GPC5: variants seen among roughly 807,000 people sequenced by gnomAD.
GPC5 encodes the protein glypican-5.
In GPC5, 47 loss-of-function variants were observed where a neutral mutation model predicts 53.9. The observed-to-expected ratio is 0.87, with a 90% confidence interval of 0.69 to 1.11. The LOEUF (loss-of-function observed/expected upper bound fraction) is 1.11. Among genes scored for constraint, GPC5 ranks in the 50% most tolerant of loss-of-function variants. The probability of loss-of-function intolerance (pLI) is 0.00; values close to 1 mark genes in which losing one functional copy is unlikely to be tolerated. For missense variants in GPC5, 748 were observed against 713.1 expected, an observed-to-expected ratio of 1.05 and a Z score of -0.56; for synonymous variants, 286 against 263.3, an observed-to-expected ratio of 1.09 and a Z score of -0.84.
At chr13:91,482,907 A>C (rs1883385522) in intron 2 of GPC5, among the ~76,000 whole-genome samples, 1 of 151,634 alleles carries the variant, frequency 6.6e-6, no homozygotes, top group Non-Finnish European at 1.5e-5. Context: ...AGCTCTATAA[A>C]TTTACTTCTG....
At chr13:91,771,464 G>A (rs2037623816) in intron 5 of GPC5, among the ~76,000 whole-genome samples, 1 of 152,088 alleles carries the variant, frequency 6.6e-6, no homozygotes, top group Admixed American at 6.6e-5. Flanking sequence ...AAACAAAAGA[G>A]CATGAATTGC....
At chr13:91,413,402 A>G (rs767522789) in intron 1 of GPC5, among the ~76,000 whole-genome samples, 2 of 152,246 alleles carry the variant, frequency 1.3e-5, no homozygotes, top group Non-Finnish European at 2.9e-5. Context: ...ACAAATCCCA[A>G]ACAATGTGGA....
intron 7 of GPC5, among the ~76,000 whole-genome samples, chr13:92,521,180 T>A (rs1881028996): frequency 6.6e-6 from 1 of 152,084 alleles, no homozygotes; most frequent in African/African-American, 2.4e-5. Flanking sequence ...AGAATCAATA[T>A]CATGAAAATG....
intron 7 of GPC5, among the ~76,000 whole-genome samples, chr13:92,516,315 T>A (rs1814163365): frequency 6.6e-6 from 1 of 152,164 alleles, no homozygotes; most frequent in Admixed American, 6.5e-5. Context: ...TGGCATAAAA[T>A]ACACGAGTCC....
chr13:92,252,839 G>A (rs1326310113), intron 7 of GPC5, among the ~76,000 whole-genome samples: 1 of 152,056 alleles, frequency 6.6e-6, no homozygotes, highest in Admixed American at 6.6e-5. Context: ...CATTTTCTCT[G>A]GGCCTCATTC....
intron 6 of GPC5, among the ~76,000 whole-genome samples, chr13:92,116,270 C>CA (rs56168628): frequency 1.0e-4 from 15 of 149,468 alleles, no homozygotes; most frequent in African/African-American, 3.8e-4. Flanking sequence ...AACAAACAAA[C>CA]AAAAAAAAAA....
chr13:91,684,201 T>C (rs1215824806), intron 2 of GPC5, among the ~76,000 whole-genome samples: 1 of 152,164 alleles, frequency 6.6e-6, no homozygotes. Context: ...ATTTCTCCAC[T>C]CTTCCCTATC....
In GPC5 at chr13:92,705,000, G is replaced by T. The variant is rs1594437052; in HGVS notation, c.1562-161282G>T. Among the ~76,000 whole-genome samples the T allele has an allele frequency of 1.3e-5, 2 of 150,852 alleles. 1 individual carries two copies. Among genetic ancestry groups the T allele is most frequent in the African/African-American group, 4.9e-5 (2 of 41,182 alleles). Reference sequence around the variant, plus strand: ...GATCTTTAATGATCTCGATGTGTAGGGTCTTTGTTAAGAACAGTGCTCATG... The same window carrying T: ...GATCTTTAATGATCTCGATGTGTAGTGTCTTTGTTAAGAACAGTGCTCATG... On this transcript the variant is annotated intron_variant, in intron 7 of 7. Transcript: ENST00000377067.
chr13:92,796,836 C>T (rs955411870), intron 7 of GPC5, among the ~76,000 whole-genome samples: 8 of 151,920 alleles, frequency 5.3e-5, no homozygotes, highest in Admixed American at 3.9e-4. Flanking sequence ...TTTAACATTT[C>T]ACAATAAATA....
At chr13:92,026,660 A>T (rs1172877814) in intron 6 of GPC5, among the ~76,000 whole-genome samples, 1 of 152,088 alleles carries the variant, frequency 6.6e-6, no homozygotes. Context: ...TGCCAGTCAT[A>T]AGATCTAGTG....
chr13:92,751,302 TTAAAA>T lies in GPC5; in HGVS notation c.1562-114979_1562-114975del, dbSNP rs1214097729. Among the ~76,000 whole-genome samples the T allele has an allele frequency of 4.6e-3, 159 of 34,412 alleles. 2 individuals carry two copies. Among genetic ancestry groups the T allele is most frequent in the African/African-American group, 0.014 (136 of 9,796 alleles). 22.6% of individuals were successfully genotyped at this position (34,412 alleles called of 152,430 possible). A position where few individuals can be genotyped will look rare whatever the true frequency, so the allele number is the denominator to read the frequency against. On this transcript the variant is annotated intron_variant, in intron 7 of 7. Transcript: ENST00000377067. ...AAAACCTTTGGTCATCCAGAAACAT[TTAAAA>T]AAAAAAAAAAAAAAAAAAAAAAAAA...
chr13:92,787,844 T>C (rs1293492293), intron 7 of GPC5, among the ~76,000 whole-genome samples: 2 of 146,836 alleles, frequency 1.4e-5, no homozygotes, highest in East Asian at 4.0e-4. Context: ...ACCGCTGTAC[T>C]CTGCCCTGGG....
chr13:92,409,463 A>G (rs960527904), intron 7 of GPC5, among the ~76,000 whole-genome samples: 1 of 152,080 alleles, frequency 6.6e-6, no homozygotes, highest in African/African-American at 2.4e-5. Flanking sequence ...GTGCTATGCC[A>G]CACTAATATT....
intron 2 of GPC5, among the ~76,000 whole-genome samples, chr13:91,551,580 A>G (rs556917385): frequency 6.6e-6 from 1 of 152,124 alleles, no homozygotes; most frequent in Non-Finnish European, 1.5e-5. Context: ...AATTTTGGGA[A>G]TAGAGATTAA....
At chr13:92,862,976 CA>C (rs1385582289) in intron 7 of GPC5, among the ~76,000 whole-genome samples, 2 of 152,144 alleles carry the variant, frequency 1.3e-5, no homozygotes, top group Admixed American at 6.6e-5. Flanking sequence ...GCTGTCCTCT[CA>C]GATTCATCAG....
intron 7 of GPC5, among the ~76,000 whole-genome samples, chr13:92,294,827 T>C (rs1269804137): frequency 2.6e-4 from 11 of 42,574 alleles, no homozygotes; most frequent in African/African-American, 2.2e-3. Flanking sequence ...TTTTTTTTTC[T>C]TTTTTTTTTT....
intron 6 of GPC5, among the ~76,000 whole-genome samples, chr13:91,915,307 G>A (rs1319543772): frequency 6.6e-6 from 1 of 152,070 alleles, no homozygotes; most frequent in African/African-American, 2.4e-5. Context: ...TTTCTGGAAT[G>A]GGTGGTATAA....
At position 92,044,346 on chromosome 13, in the gene GPC5, T is replaced by G. The variant is rs549322823; in HGVS notation, c.1402-100484T>G. On this transcript the variant is annotated intron_variant, in intron 6 of 7. Transcript: ENST00000377067. The stretch of plus-strand genomic sequence containing the variant: ...TGTAAATAAGGCCCTAAGCTGAGCT[T>G]CTAGAAACAGCCCTGTACTGAGCAG... 1.0e-3 allele frequency among the ~76,000 whole-genome samples: 155 copies of G among 152,290 alleles called. 2 individuals carry two copies. Among genetic ancestry groups the G allele is most frequent in the African/African-American group, 3.5e-3 (145 of 41,550 alleles).
At chr13:92,359,988 A>T (rs2043553174) in intron 7 of GPC5, among the ~76,000 whole-genome samples, 1 of 151,714 alleles carries the variant, frequency 6.6e-6, no homozygotes, top group African/African-American at 2.4e-5. Context: ...GACCTTTGTC[A>T]CATATTTTGC....
Sources: gnomAD v4.1 joint callset for allele counts (sites outside exome capture counted in the v4.1 genomes callset) on GRCh38, gnomAD v4.1.1 for gene constraint, MANE v1.5 for transcripts, NCBI Gene and HGNC (gene_info 2026-07-23, HGNC 2026-07-21) for gene names.